Variants in ZPBP observed in about 807,000 individuals in gnomAD.
The protein encoded by ZPBP is zona pellucida binding protein, also known as zona pellucida-binding protein 1.
Under a neutral mutation model 44.8 loss-of-function variants are expected in ZPBP, and 26 were observed. The ratio of observed to expected loss-of-function variants is 0.58; its 90% CI spans 0.43 to 0.81. The LOEUF is 0.81. Among genes scored for constraint, ZPBP ranks in the 30% least tolerant of loss-of-function variants. The pLI, the probability that ZPBP is intolerant of heterozygous loss-of-function variation, is 0.00. For synonymous variants in ZPBP, 174 were observed against 153.2 expected, an observed-to-expected ratio of 1.14 and a Z score of -1.00; for missense variants, 409 against 434.0, an observed-to-expected ratio of 0.94 and a Z score of 0.51.
chr7:50,088,063 T>G (rs1323332902), intron 2 of ZPBP, among the ~76,000 whole-genome samples: 1 of 152,036 alleles, frequency 6.6e-6, no homozygotes, highest in Non-Finnish European at 1.5e-5. Context: ...TAGCAAAGTA[T>G]CAGCATAAGA....
At chr7:49,999,860 A>G (rs1316868236) in intron 6 of ZPBP, among the ~76,000 whole-genome samples, 1 of 152,140 alleles carries the variant, frequency 6.6e-6, no homozygotes, top group Non-Finnish European at 1.5e-5. Context: ...ACCAGCTACA[A>G]CTGGGCACCC....
chr7:49,857,009 C>CAA lies in ZPBP; in HGVS notation n.510-6497_510-6496dup, dbSNP rs59910243. ...TGGGTGACAGAGCCAGATACTGTCTCAAAAAAAAAAAAAAAAAAAAAAAAA... is the reference window on the plus strand; with the variant it reads ...TGGGTGACAGAGCCAGATACTGTCTCAAAAAAAAAAAAAAAAAAAAAAAAAAA... On this transcript the variant is annotated intron_variant and non_coding_transcript_variant, in intron 2 of 2. Transcript: ENST00000465922. 4.4e-3 allele frequency among the ~76,000 whole-genome samples: 232 copies of CAA among 52,782 alleles called. 6 individuals carry two copies. The highest frequency in any genetic ancestry group is 5.2e-3 in the Non-Finnish European group (164 of 31,750). The allele number at this position is 52,782 out of a possible 152,430, so 34.6% of individuals were successfully genotyped here. A position where few individuals can be genotyped will look rare whatever the true frequency, so the allele number is the denominator to read the frequency against.
intron 3 of ZPBP, among the ~76,000 whole-genome samples, chr7:50,066,919 G>A (rs78962174): frequency 2.0e-5 from 3 of 152,136 alleles, no homozygotes; most frequent in South Asian, 2.1e-4. Context: ...ACTGGTCGTC[G>A]TCGGGAGTCA....
intron 2 of ZPBP, among the ~76,000 whole-genome samples, chr7:49,860,475 G>A (rs1304379291): frequency 3.3e-5 from 5 of 152,160 alleles, no homozygotes; most frequent in Non-Finnish European, 4.4e-5. Context: ...GTATGTATAT[G>A]CCGTGATTTG....
At chr7:49,994,219 G>A (rs948261896) in intron 6 of ZPBP, among the ~76,000 whole-genome samples, 2 of 152,212 alleles carry the variant, frequency 1.3e-5, no homozygotes, top group Non-Finnish European at 2.9e-5. Context: ...CTTCAGGGAT[G>A]TCCCAGGCAG....
intron 1 of ZPBP, chr7:49,912,226 T>G: frequency 6.2e-7 from 1 of 1,609,700 alleles, no homozygotes; most frequent in Non-Finnish European, 8.5e-7. Flanking sequence ...TCTAGAACAT[T>G]TTACTGATGT....
chr7:49,932,276 A>G (rs967578724), intron 1 of ZPBP, among the ~76,000 whole-genome samples: 1 of 152,234 alleles, frequency 6.6e-6, no homozygotes, highest in African/African-American at 2.4e-5. Context: ...ATGCACCTGG[A>G]AAAGCCACAG....
At chr7:50,073,915 A>G (rs557982805) in intron 3 of ZPBP, among the ~76,000 whole-genome samples, 1 of 152,240 alleles carries the variant, frequency 6.6e-6, no homozygotes, top group South Asian at 2.1e-4. Flanking sequence ...GGAGTACTTC[A>G]GTTAGAAAGA....
intron 3 of ZPBP, among the ~76,000 whole-genome samples, chr7:50,069,262 G>C (rs1228864186): frequency 1.3e-5 from 2 of 152,202 alleles, no homozygotes; most frequent in Non-Finnish European, 1.5e-5. Context: ...TGCAAAACTG[G>C]TTTTTCTGCC....
At chr7:49,969,743 T>C (rs1481032192) in intron 7 of ZPBP, among the ~76,000 whole-genome samples, 1 of 151,098 alleles carries the variant, frequency 6.6e-6, no homozygotes, top group East Asian at 1.9e-4. Context: ...GAGAATCTAG[T>C]TGGGTTTATT....
At chr7:49,939,387 G>A (rs1235951971) in intron 7 of ZPBP, among the ~76,000 whole-genome samples, 1 of 152,134 alleles carries the variant, frequency 6.6e-6, no homozygotes, top group Non-Finnish European at 1.5e-5. Flanking sequence ...AGTATGACAT[G>A]TGTAACATCA....
At chr7:50,018,829 A>G (rs991292443) in intron 5 of ZPBP, among the ~76,000 whole-genome samples, 1 of 152,008 alleles carries the variant, frequency 6.6e-6, no homozygotes, top group Admixed American at 6.6e-5. Flanking sequence ...TCAGACATAC[A>G]TTCATTTATT....
At chr7:49,958,872 G>A (rs1241242618) in intron 7 of ZPBP, among the ~76,000 whole-genome samples, 1 of 152,070 alleles carries the variant, frequency 6.6e-6, no homozygotes, top group Non-Finnish European at 1.5e-5. Flanking sequence ...ATTTTATAAT[G>A]CCAGCATAAC....
At chr7:50,071,309 T>G (rs985470995) in intron 3 of ZPBP, among the ~76,000 whole-genome samples, 1 of 152,070 alleles carries the variant, frequency 6.6e-6, no homozygotes, top group African/African-American at 2.4e-5. Flanking sequence ...GGAGTGAGCA[T>G]TTAAACCAGC....
rs577640165 is a variant in ZPBP, at chr7:49,942,732, C to T, written c.962-5110G>A. The T allele has an allele frequency of 1.6e-4, 25 of 153,396 alleles. No individual in the cohort carries two copies. The South Asian group carries it at 3.9e-3, about 24-fold the overall frequency. 9.5% of individuals were successfully genotyped at this position (153,396 alleles called of 1,614,324 possible). ...ATCTCTTGCTTCTGCTCCCCTTCTT[C>T]AATAGAAAAGCTCTCAAGCTCTTTC... is the stretch of plus-strand genomic sequence containing the variant. On this transcript the variant is annotated intron_variant, in intron 7 of 7. Transcript: ENST00000046087.
At position 50,059,370 on chromosome 7, in the gene ZPBP, C is replaced by T. The variant is rs192633456; in HGVS notation, c.335-1229G>A. 2.3e-3 allele frequency among the ~76,000 whole-genome samples: 347 copies of T among 152,276 alleles called. 3 individuals are homozygous for T. Among genetic ancestry groups the T allele is most frequent in the South Asian group, 0.011 (52 of 4,820 alleles). ...AGAAATGAACAGATGAATATACCCA[C>T]CCTCAAATAATTTACATAGAGCATT... On this transcript the variant is annotated intron_variant, in intron 3 of 7. Transcript: ENST00000046087.
chr7:50,010,160 A>G (rs1402930820), intron 6 of ZPBP, among the ~76,000 whole-genome samples: 1 of 152,148 alleles, frequency 6.6e-6, no homozygotes, highest in Non-Finnish European at 1.5e-5. Flanking sequence ...GAAAGGTATG[A>G]CCCTAAAGTA....
chr7:50,012,711 C>A (rs1798642488), intron 6 of ZPBP, among the ~76,000 whole-genome samples: 1 of 148,550 alleles, frequency 6.7e-6, no homozygotes, highest in African/African-American at 2.5e-5. Flanking sequence ...GATGGTACTT[C>A]CCCCTTTAGG....
downstream of ZPBP, among the ~76,000 whole-genome samples, chr7:49,848,818 C>T (rs1003114793): frequency 6.6e-6 from 1 of 152,172 alleles, no homozygotes; most frequent in Non-Finnish European, 1.5e-5. Context: ...AATTCAAATA[C>T]ACTTTTATAG....
Sources: allele counts gnomAD v4.1 joint callset (sites outside exome capture counted in the v4.1 genomes callset), GRCh38; gene constraint gnomAD v4.1.1; transcripts MANE v1.5; gene names NCBI Gene and HGNC (gene_info 2026-07-23, HGNC 2026-07-21).